Variants in MAP4K2 observed in about 807,000 individuals in gnomAD.
MAP4K2 encodes mitogen-activated protein kinase kinase kinase kinase 2.
In MAP4K2, 85 loss-of-function variants were observed where a neutral mutation model predicts 125.3. The ratio of observed to expected loss-of-function variants is 0.68; its 90% CI spans 0.57 to 0.81. The LOEUF is 0.81. Among genes scored for constraint, MAP4K2 ranks in the 40% least tolerant of loss-of-function variants. The pLI is 0.00. For missense variants in MAP4K2, 923 were observed against 1,056.4 expected (o/e 0.87, Z 1.75); for synonymous variants, 479 against 445.1 (o/e 1.08, Z -0.96).
Position 64,799,316 on chromosome 11 carries a change from G to A in MAP4K2, c.1053+105C>T, listed in dbSNP as rs1941016892. On this transcript the variant is annotated intron_variant, in intron 14 of 31. Transcript: ENST00000294066. ...GGACAGTCTAAGGCCCAAGGCCCGA[G>A]GCCACCCAGCTTCAAATCTCCCTTG... 8 of 1,419,608 alleles carry A rather than the reference G, an allele frequency of 5.6e-6. No homozygotes were observed. In the Admixed American group the frequency reaches 6.1e-5, roughly 11 times the overall value. 87.9% of individuals were successfully genotyped at this position (1,419,608 alleles called of 1,614,324 possible).
intron 4 of MAP4K2, 71 bp from the exon 5 acceptor site, chr11:64,802,192 G>T: frequency 7.0e-7 from 1 of 1,424,644 alleles, no homozygotes; most frequent in Non-Finnish European, 9.8e-7. Flanking sequence ...TACCGTGTGT[G>T]GGAAAAGCAG....
At chr11:64,792,540 CAG>C in intron 24 of MAP4K2, 118 bp from the exon 25 acceptor site, 1 of 797,932 alleles carries the variant, frequency 1.3e-6, no homozygotes, top group South Asian at 1.6e-5. Context: ...GACTGAGACT[CAG>C]AGACACAGAG....
chr11:64,797,775 G>A (rs1348605800), intron 15 of MAP4K2, 111 bp from the exon 16 acceptor site: 17 of 1,052,884 alleles, frequency 1.6e-5, no homozygotes, highest in Admixed American at 1.3e-4. Flanking sequence ...GCGCAATCGC[G>A]GCTCACTGCA....
Position 64,797,261 on chromosome 11 carries a change from A to G in MAP4K2, c.1276+14T>C. 6.3e-7 allele frequency: 1 copy of G among 1,599,936 alleles called. No homozygotes were observed. Among genetic ancestry groups the G allele is most frequent in the Non-Finnish European group, 8.5e-7 (1 of 1,173,370 alleles). ...CCTGGGGCTGCCTCCTGGCCTCCCA[A>G]GCCTGAGACTCACCTGGGGGACTGG... On this transcript the variant is annotated intron_variant, in intron 18 of 31. Transcript: ENST00000294066.
chr11:64,796,996 T>C lies in MAP4K2; in HGVS notation c.1393A>G (p.Thr465Ala). 1.2e-6 allele frequency: 2 copies of C among 1,613,594 alleles called. No individual in the cohort carries two copies. The highest frequency in any genetic ancestry group is 1.7e-6 in the Non-Finnish European group (2 of 1,179,870). ...ERSSCHGLPP[T>A]PKVHMGACFS... ...CAAACACTTACATGCACCTTGGGAG[T>C]TGGGGGGAGCCCGTGGCAGGATGAC... is the stretch of plus-strand genomic sequence containing the variant. Residue 465 changes from threonine (T) to alanine (A), a missense_variant, in exon 20 of 32, where the codon ACT becomes GCT. This residue lies in a region of MAP4K2 where 833 missense variants were observed against 911.4 expected (regional missense o/e 0.91). Coordinates refer to ENST00000294066, the MANE Select transcript of MAP4K2 (RefSeq NM_004579.5).
chr11:64,794,534 A>G (rs1413521290), intron 24 of MAP4K2, among the ~76,000 whole-genome samples: 1 of 151,530 alleles, frequency 6.6e-6, no homozygotes, highest in African/African-American at 2.4e-5. Flanking sequence ...TAATTTTTGT[A>G]TTTTTACTAG....
Position 64,792,065 on chromosome 11 carries a change from T to TGGGCAGA in MAP4K2, c.1929_1935dup (p.Pro647AlafsTer28). 1 of 1,590,368 alleles carries TGGGCAGA rather than the reference T, an allele frequency of 6.3e-7. No individual in the cohort carries two copies. Among genetic ancestry groups the TGGGCAGA allele is most frequent in the Non-Finnish European group, 8.6e-7 (1 of 1,168,672 alleles). ...AGCGGCTCCAGCATCCCAGCTGGGCTGGGCAGAGGGCTGGAGAAGTTCTAG... is the reference window on the plus strand; with the variant it reads ...AGCGGCTCCAGCATCCCAGCTGGGCTGGGCAGAGGGCAGAGGGCTGGAGAAGTTCTAG... On this transcript the variant is annotated frameshift_variant, in exon 27 of 32. Transcript: ENST00000294066. LOFTEE classifies it high-confidence loss of function.
In MAP4K2 at chr11:64,797,033, A is replaced by G. The variant is rs781483212; in HGVS notation, c.1366-10T>C. The G allele has an allele frequency of 1.9e-5, 31 of 1,613,924 alleles. No homozygotes were observed. The highest frequency in any genetic ancestry group is 2.5e-5 in the Non-Finnish European group (29 of 1,179,976). ...CGTGGCAGGATGACCTCTGGGAGGG[A>G]GGAAAGGAGTCAGGGCTGATATGAC... On this transcript the variant is annotated splice_polypyrimidine_tract_variant and intron_variant, in intron 19 of 31. Coordinates refer to ENST00000294066, the MANE Select transcript of MAP4K2 (RefSeq NM_004579.5).
chr11:64,797,397 G>A lies in MAP4K2; in HGVS notation c.1171-17C>T, dbSNP rs150967809. On this transcript the variant is annotated splice_polypyrimidine_tract_variant and intron_variant, in intron 17 of 31. Coordinates refer to ENST00000294066, the MANE Select transcript of MAP4K2 (RefSeq NM_004579.5). ...GTCCAGCTCCTGGTAGGAGGGGCAG[G>A]GCCCAGCCCGGCCGTTACCAGGTTG... is the stretch of plus-strand genomic sequence containing the variant. 3.1e-3 allele frequency: 4,810 copies of A among 1,565,340 alleles called. 12 individuals are homozygous for A. Among genetic ancestry groups the A allele is most frequent in the Middle Eastern group, 7.7e-3 (46 of 5,998 alleles).
In MAP4K2 at chr11:64,802,658, G is replaced by A; in HGVS notation, c.155-5C>T. The A allele has an allele frequency of 6.2e-7, 1 of 1,611,822 alleles. No individual in the cohort carries two copies. Among genetic ancestry groups the A allele is most frequent in the Non-Finnish European group, 8.5e-7 (1 of 1,179,094 alleles). ...GGAGGGAGCTGATGTCGTCCCCTGG[G>A]AAGCACAAAGCATCATGGGGAAGGC... On this transcript the variant is annotated splice_region_variant and splice_polypyrimidine_tract_variant and intron_variant, in intron 2 of 31. Coordinates refer to ENST00000294066, the MANE Select transcript of MAP4K2 (RefSeq NM_004579.5).
intron 24 of MAP4K2, among the ~76,000 whole-genome samples, chr11:64,794,151 A>G (rs1369970141): frequency 6.6e-6 from 1 of 152,184 alleles, no homozygotes; most frequent in African/African-American, 2.4e-5. Flanking sequence ...CGCAGGTCCC[A>G]CTTGCACATC....
chr11:64,797,632 T>G lies in MAP4K2; in HGVS notation c.1130A>C (p.Glu377Ala). ...CCAGGCCCACATCCCTCACCTTTCC[T>G]CCAGGGCCTCCTGGACCGACTGCAG... ...SLLQSVQEAL[E>A]ERSLTIRSAS... The change falls in exon 16 of 32, where the codon GAG becomes GCG. Residue 377 changes from glutamate to alanine, a missense_variant. Glu to Ala is a moderately radical substitution (Grantham distance 107, BLOSUM62 -1). Coordinates refer to ENST00000294066, the MANE Select transcript of MAP4K2 (RefSeq NM_004579.5). 1 of 1,578,712 alleles carries G rather than the reference T, an allele frequency of 6.3e-7. No homozygotes were observed. Among genetic ancestry groups the G allele is most frequent in the Non-Finnish European group, 8.6e-7 (1 of 1,162,538 alleles).
Position 64,785,275 on chromosome 11 carries a change from G to C in MAP4K2, c.*4262C>G, listed in dbSNP as rs1940179250. 6.6e-6 allele frequency: 1 copy of C among 152,192 alleles called. No homozygotes were observed. Among genetic ancestry groups the C allele is most frequent in the Non-Finnish European group, 1.5e-5 (1 of 68,042 alleles). The allele number at this position is 152,192 out of a possible 1,614,324, so 9.4% of individuals were successfully genotyped here. ...CATGGGAAACTTTCCAGAGTGAAGGGGATGGTGATTATCTTGATTGTGGAA... is the reference window on the plus strand; with the variant it reads ...CATGGGAAACTTTCCAGAGTGAAGGCGATGGTGATTATCTTGATTGTGGAA... On this transcript the variant is annotated 3_prime_UTR_variant, in exon 32 of 32. Transcript: ENST00000294066.
In MAP4K2 at chr11:64,787,239, C is replaced by G. The variant is rs1164840020; in HGVS notation, c.*2298G>C. On this transcript the variant is annotated 3_prime_UTR_variant, in exon 32 of 32. Transcript: ENST00000294066. ...AGAGACGGGGTTTCACCATGTTGGC[C>G]AGGCTGGTCTCGAACCCCTGACCTC... 6.6e-6 allele frequency: 1 copy of G among 151,982 alleles called. No homozygotes were observed. Among genetic ancestry groups the G allele is most frequent in the African/African-American group, 2.4e-5 (1 of 41,374 alleles). 9.4% of individuals were successfully genotyped at this position (151,982 alleles called of 1,614,324 possible).
rs1213321033 is a variant in MAP4K2, at chr11:64,789,718, A to G, written c.2375+12T>C. The G allele has an allele frequency of 6.2e-7, 1 of 1,614,010 alleles. No individual in the cohort carries two copies. The highest frequency in any genetic ancestry group is 1.1e-5 in the South Asian group (1 of 91,072). The stretch of plus-strand genomic sequence containing the variant: ...GGGCATCTGAAGGGGAGGCTAGGGT[A>G]CCACCGCCTACCTGTGGGCCCCAAG... On this transcript the variant is annotated intron_variant, in intron 31 of 31. Transcript: ENST00000294066.
rs892140684 is a variant in MAP4K2 at position 64,789,685 on chromosome 11, G to C, written c.2375+45C>G. On this transcript the variant is annotated intron_variant, in intron 31 of 31. Coordinates refer to ENST00000294066, the MANE Select transcript of MAP4K2 (RefSeq NM_004579.5). Reference sequence around the variant, plus strand: ...CACTTGGTACATCAGCCCCTTCTCTGGCCTCAGGGGCATCTGAAGGGGAGG... The same window carrying C: ...CACTTGGTACATCAGCCCCTTCTCTCGCCTCAGGGGCATCTGAAGGGGAGG... 6.2e-6 allele frequency: 10 copies of C among 1,612,262 alleles called. No homozygotes were observed. The African/African-American group carries it at 1.3e-4, about 22-fold the overall frequency.
chr11:64,797,579 C>G, intron 16 of MAP4K2, 45 bp from the exon 17 acceptor site: 1 of 1,576,910 alleles, frequency 6.3e-7, no homozygotes, highest in South Asian at 1.2e-5. Context: ...GTGACTGGCA[C>G]CAAGGCCACC....
intron 7 of MAP4K2, 132 bp downstream of exon 7, chr11:64,801,447 C>T (rs1195454673): frequency 2.8e-6 from 3 of 1,085,490 alleles, no homozygotes. Flanking sequence ...GAGTACCGTT[C>T]CATCTTCTAA....
rs777422213 is a variant in MAP4K2, at chr11:64,801,183, G to C, written c.458C>G (p.Ala153Gly). The part of the protein sequence containing the change: ...LLTLQGDVKL[A>G]DFGVSGELTA... ...CAGCTCGCCTGACACCCCAAAGTCA[G>C]CTGTGGGGAGAAACAGCCACTCTCA... The change falls in exon 8 of 32, where the codon GCT (alanine) becomes GGT (glycine). Residue 153 changes from alanine to glycine, a missense_variant and splice_region_variant. Ala to Gly is a moderately conservative substitution (Grantham distance 60). This residue lies in a region of MAP4K2 where 833 missense variants were observed against 911.4 expected (regional missense o/e 0.91). Coordinates refer to ENST00000294066, the MANE Select transcript of MAP4K2 (RefSeq NM_004579.5). The C allele has an allele frequency of 1.1e-5, 17 of 1,612,198 alleles. No individual in the cohort carries two copies. Among genetic ancestry groups the C allele is most frequent in the Middle Eastern group, 3.5e-4 (2 of 5,698 alleles).
Sources: allele counts gnomAD v4.1 joint callset (sites outside exome capture counted in the v4.1 genomes callset), GRCh38; gene constraint gnomAD v4.1.1; regional missense constraint gnomAD v4.1.1; transcripts MANE v1.5; gene names NCBI Gene and HGNC (gene_info 2026-07-23, HGNC 2026-07-21).